The following SNX15 variants were observed in gnomAD, a reference collection of about 807,000 sequenced individuals.
SNX15 encodes sorting nexin-15.
In SNX15, 29 loss-of-function variants were observed where a neutral mutation model predicts 35.2. The observed-to-expected ratio is 0.82, with a 90% CI of 0.61 to 1.12. The LOEUF (loss-of-function observed/expected upper bound fraction) is 1.12. Among genes scored for constraint, SNX15 ranks in the 50% most tolerant of loss-of-function variants. SNX15 has a pLI of 0.00. For missense variants in SNX15, 400 were observed against 451.5 expected (o/e 0.89, Z 1.03); for synonymous variants, 189 against 188.2 (o/e 1.00, Z -0.03).
chr11:65,030,492 T>G (rs944067813), intron 1 of SNX15, among the ~76,000 whole-genome samples: 2 of 146,820 alleles, frequency 1.4e-5, no homozygotes, highest in African/African-American at 5.3e-5. Flanking sequence ...CCACCGTACC[T>G]GGCCTATAAT....
In SNX15 at chr11:65,027,648, C is replaced by A. The variant is rs749734356; in HGVS notation, c.99+12C>A. 3 of 1,600,098 alleles carry A rather than the reference C, an allele frequency of 1.9e-6. No individual in the cohort carries two copies. Among genetic ancestry groups the A allele is most frequent in the Admixed American group, 3.3e-5 (2 of 59,950 alleles). On this transcript the variant is annotated intron_variant, in intron 1 of 7. Transcript: ENST00000377244. ...AAGTAACCGCGCAGGTGAGGTGGGG[C>A]CCAGCGCGTACTTTACCCTTTTAAC...
In SNX15 at chr11:65,032,203, G is replaced by A; in HGVS notation, c.135G>A (p.Glu45=). Residue 45 remains glutamate, a splice_region_variant and synonymous_variant, in exon 2 of 8, where the codon GAG becomes GAA. Coordinates refer to ENST00000377244, the MANE Select transcript of SNX15 (RefSeq NM_013306.5). ...AGAAGGACCCAGAGGATGTCAAAGAGGTGAGGCTCCTGGGAGGAAGAGGGA... is the reference window on the plus strand; with the variant it reads ...AGAAGGACCCAGAGGATGTCAAAGAAGTGAGGCTCCTGGGAGGAAGAGGGA... ...ISKKDPEDVK[E]VVVWKRYSDF... 1 of 1,614,054 alleles carries A rather than the reference G, an allele frequency of 6.2e-7. No homozygotes were observed. The highest frequency in any genetic ancestry group is 8.5e-7 in the Non-Finnish European group (1 of 1,179,894).
Position 65,040,500 on chromosome 11 carries a change from G to A in SNX15, c.*708G>A, listed in dbSNP as rs1007014617. On this transcript the variant is annotated 3_prime_UTR_variant, in exon 8 of 8. Coordinates refer to ENST00000377244, the MANE Select transcript of SNX15 (RefSeq NM_013306.5). ...AAATAATATTCTGTGACAATGACAG[G>A]TGAAATTTATATGTGACAAGTGAAA... The A allele has an allele frequency of 1.3e-5, 2 of 152,076 alleles. No individual in the cohort carries two copies. Among genetic ancestry groups the A allele is most frequent in the Non-Finnish European group, 2.9e-5 (2 of 68,006 alleles). 9.4% of individuals were successfully genotyped at this position (152,076 alleles called of 1,614,324 possible).
intron 1 of SNX15, among the ~76,000 whole-genome samples, chr11:65,028,348 T>C (rs1448739783): frequency 6.6e-6 from 1 of 152,146 alleles, no homozygotes; most frequent in Non-Finnish European, 1.5e-5. Flanking sequence ...GGGAAGACTT[T>C]TTACTGTAAA....
chr11:65,027,652 GCGCGTACTTTA>G lies in SNX15; in HGVS notation c.99+18_99+28del. ...AACCGCGCAGGTGAGGTGGGGCCCAGCGCGTACTTTACCCTTTTAACTAGAGGGGCGCCGAG... is the reference window on the plus strand; with the variant it reads ...AACCGCGCAGGTGAGGTGGGGCCCAGCCCTTTTAACTAGAGGGGCGCCGAG... On this transcript the variant is annotated intron_variant, in intron 1 of 7. Coordinates refer to ENST00000377244, the MANE Select transcript of SNX15 (RefSeq NM_013306.5). 1 of 1,597,534 alleles carries G rather than the reference GCGCGTACTTTA, an allele frequency of 6.3e-7. No individual in the cohort carries two copies. Among genetic ancestry groups the G allele is most frequent in the Non-Finnish European group, 8.6e-7 (1 of 1,165,042 alleles).
At chr11:65,033,342 A>T (rs923220551) in intron 3 of SNX15, among the ~76,000 whole-genome samples, 2 of 151,696 alleles carry the variant, frequency 1.3e-5, no homozygotes, top group Admixed American at 1.3e-4. Context: ...CAGGAGTTTG[A>T]GACCAGCCTG....
intron 4 of SNX15, 31 bp downstream of exon 4, chr11:65,034,993 G>A: frequency 6.2e-7 from 1 of 1,613,320 alleles, no homozygotes; most frequent in Non-Finnish European, 8.5e-7. Context: ...CCCAGAACTT[G>A]GGCCACTTAC....
At chr11:65,032,627 C>T in intron 3 of SNX15, 76 bp downstream of exon 3, 3 of 1,579,384 alleles carry the variant, frequency 1.9e-6, no homozygotes, top group African/African-American at 1.3e-5. Flanking sequence ...CCAGTGGGGG[C>T]TGGATAGAGA....
intron 1 of SNX15, among the ~76,000 whole-genome samples, chr11:65,029,907 G>A (rs547578319): frequency 7.2e-4 from 110 of 151,936 alleles, no homozygotes; most frequent in South Asian, 2.3e-3. Flanking sequence ...TTTTATTTGC[G>A]ACGGGGTCTT....
intron 1 of SNX15, among the ~76,000 whole-genome samples, chr11:65,029,743 C>T (rs1025711635): frequency 3.3e-5 from 5 of 150,826 alleles, no homozygotes; most frequent in African/African-American, 9.7e-5. Flanking sequence ...CACCCGGCTA[C>T]TTTTTGTGTT....
chr11:65,036,290 G>A (rs2136937796), intron 6 of SNX15: 1 of 152,494 alleles, frequency 6.6e-6, no homozygotes, highest in Non-Finnish European at 1.5e-5. Flanking sequence ...GCTCACACCT[G>A]TAATCTCGAC....
chr11:65,032,128 C>T, intron 1 of SNX15, 40 bp from the exon 2 acceptor site: 1 of 1,606,220 alleles, frequency 6.2e-7, no homozygotes, highest in Non-Finnish European at 8.5e-7. Context: ...TGTCAGATGG[C>T]AGTCTCTGGT....
At chr11:65,033,549 A>C (rs1946465460) in intron 3 of SNX15, among the ~76,000 whole-genome samples, 1 of 151,738 alleles carries the variant, frequency 6.6e-6, no homozygotes, top group African/African-American at 2.4e-5. Context: ...GTCTCAAAAA[A>C]AAAAAAAAAA....
intron 1 of SNX15, 140 bp downstream of exon 1, chr11:65,027,776 A>T: frequency 1.5e-6 from 1 of 656,060 alleles, no homozygotes; most frequent in South Asian, 1.8e-5. Context: ...TTGCAGTACG[A>T]GGCTTAGTTT....
chr11:65,036,189 C>G (rs1374504046), intron 6 of SNX15: 1 of 152,556 alleles, frequency 6.6e-6, no homozygotes, highest in African/African-American at 2.4e-5. Context: ...TCCTGGGCAC[C>G]TTCTTGCTGT....
intron 7 of SNX15, among the ~76,000 whole-genome samples, chr11:65,039,152 T>C (rs1590743939): frequency 6.7e-6 from 1 of 150,248 alleles, no homozygotes; most frequent in East Asian, 2.0e-4. Context: ...GCCTCCCGAC[T>C]AGCTGGGATT....
At chr11:65,028,509 C>T (rs535888382) in intron 1 of SNX15, among the ~76,000 whole-genome samples, 1 of 152,172 alleles carries the variant, frequency 6.6e-6, no homozygotes, top group Admixed American at 6.6e-5. Context: ...AAACCGTTTA[C>T]GTCTTTTCCA....
At chr11:65,033,543 CA>C (rs35724941) in intron 3 of SNX15, among the ~76,000 whole-genome samples, 39,270 of 86,474 alleles carry the variant, frequency 0.45, 5,714 homozygotes, top group Middle Eastern at 0.54. Flanking sequence ...GACTCCGTCT[CA>C]AAAAAAAAAA....
At position 65,038,756 on chromosome 11, in the gene SNX15, G is replaced by C. The variant is rs1458196997; in HGVS notation, c.849G>C (p.Glu283Asp). ...TELITQALRD[E>D]KAGAYAAALQ... Reference sequence around the variant, plus strand: ...TCATCACCCAGGCCCTGCGGGATGAGAAGGCAGGCGCTTACGCTGCTGCAC... The same window carrying C: ...TCATCACCCAGGCCCTGCGGGATGACAAGGCAGGCGCTTACGCTGCTGCAC... The change falls in exon 7 of 8, where the codon GAG becomes GAC. Residue 283 changes from glutamate to aspartate, a missense_variant. Physicochemically the swap from Glu to Asp is conservative, Grantham distance 45. Coordinates refer to ENST00000377244, the MANE Select transcript of SNX15 (RefSeq NM_013306.5). The C allele has an allele frequency of 4.4e-6, 7 of 1,601,230 alleles. No individual in the cohort carries two copies. Among genetic ancestry groups the C allele is most frequent in the South Asian group, 2.2e-5 (2 of 89,022 alleles).
Sources: gnomAD v4.1 joint callset for allele counts (sites outside exome capture counted in the v4.1 genomes callset) on GRCh38, gnomAD v4.1.1 for gene constraint, MANE v1.5 for transcripts, NCBI Gene and HGNC (gene_info 2026-07-23, HGNC 2026-07-21) for gene names.